The following MET variants were observed in gnomAD, a reference collection of about 807,000 sequenced individuals.
The protein encoded by MET is hepatocyte growth factor receptor.
A neutral mutation model predicts 133.1 loss-of-function variants in MET; 48 were observed. The observed-to-expected ratio is 0.36, with a 90% CI of 0.29 to 0.46. The LOEUF (loss-of-function observed/expected upper bound fraction) is 0.46, where lower values mean the gene tolerates loss of function less well. Ranked by LOEUF, MET falls within the 20% of genes least tolerant of loss-of-function variation. MET has a pLI of 1.00. For synonymous variants in MET, 628 were observed against 616.5 expected (o/e 1.02, Z -0.28); for missense variants, 1,442 against 1,695.9 (o/e 0.85, Z 2.63).
chr7:116,702,919 A>T (rs1791634176), intron 2 of MET, among the ~76,000 whole-genome samples: 1 of 152,114 alleles, frequency 6.6e-6, no homozygotes, highest in Admixed American at 6.6e-5. Flanking sequence ...TTAGGGGTCC[A>T]GCAGGTGTAC....
At chr7:116,759,790 T>C (rs1445075043) in intron 10 of MET, among the ~76,000 whole-genome samples, 1 of 152,176 alleles carries the variant, frequency 6.6e-6, no homozygotes, top group Non-Finnish European at 1.5e-5. Context: ...TTTGAGGGTT[T>C]TTTTGAGACA....
At chr7:116,771,375 C>A in intron 12 of MET, 123 bp from the exon 13 acceptor site, 1 of 1,077,834 alleles carries the variant, frequency 9.3e-7, no homozygotes, top group South Asian at 1.3e-5. Flanking sequence ...ATCCTGAAGG[C>A]AGTTATGCCA....
chr7:116,777,493 T>G (rs987977911), intron 16 of MET, 24 bp downstream of exon 16: 2 of 1,605,782 alleles, frequency 1.2e-6, no homozygotes. Context: ...TATTTAACCA[T>G]GGAGTATACT....
chr7:116,734,963 G>C lies in MET; in HGVS notation c.1392+3104G>C, dbSNP rs148303685. 2.2e-3 allele frequency among the ~76,000 whole-genome samples: 335 copies of C among 152,230 alleles called. 3 individuals are homozygous for C. The highest frequency in any genetic ancestry group is 7.7e-3 in the African/African-American group (318 of 41,530). ...TTTTTTTTAACAGCACTTGTATAAGGCTTTTAATCTCTAAATGCAAAGCAT... is the reference window on the plus strand; with the variant it reads ...TTTTTTTTAACAGCACTTGTATAAGCCTTTTAATCTCTAAATGCAAAGCAT... On this transcript the variant is annotated intron_variant, in intron 3 of 20. Transcript: ENST00000397752.
chr7:116,713,259 A>G lies in MET; in HGVS notation c.1200+12975A>G, dbSNP rs536174107. Among the ~76,000 whole-genome samples, 257 of 151,878 alleles carry G rather than the reference A, an allele frequency of 1.7e-3. 1 individual carries two copies. The highest frequency in any genetic ancestry group is 2.9e-3 in the Non-Finnish European group (195 of 67,756). Reference sequence around the variant, plus strand: ...AAATACAAAAAATTAGCCGGGGGTAATGGCGGGCGCCTGTAGTCCCAGCTA... The same window carrying G: ...AAATACAAAAAATTAGCCGGGGGTAGTGGCGGGCGCCTGTAGTCCCAGCTA... On this transcript the variant is annotated intron_variant, in intron 2 of 20. Transcript: ENST00000397752.
chr7:116,765,290 A>G (rs911031777), intron 11 of MET, among the ~76,000 whole-genome samples: 7 of 151,116 alleles, frequency 4.6e-5, no homozygotes, highest in African/African-American at 1.7e-4. Context: ...ACAGAGCAAA[A>G]AAAAAAAAAA....
intron 19 of MET, among the ~76,000 whole-genome samples, chr7:116,789,872 A>T (rs925603654): frequency 1.3e-5 from 2 of 152,172 alleles, no homozygotes; most frequent in African/African-American, 4.8e-5. Context: ...ACGTAGGTAA[A>T]CGTGTGCCAT....
chr7:116,693,844 T>G (rs1796863056), intron 1 of MET, among the ~76,000 whole-genome samples: 1 of 152,246 alleles, frequency 6.6e-6, no homozygotes, highest in Admixed American at 6.5e-5. Context: ...ATAGAGAACA[T>G]GCATTGACCT....
intron 1 of MET, among the ~76,000 whole-genome samples, chr7:116,696,915 T>C (rs1217756818): frequency 6.6e-6 from 1 of 152,244 alleles, no homozygotes; most frequent in East Asian, 1.9e-4. Flanking sequence ...CAAGGCAGGC[T>C]TCTCAGAATC....
chr7:116,792,407 T>A (rs1324939009), intron 19 of MET, among the ~76,000 whole-genome samples: 1 of 150,250 alleles, frequency 6.7e-6, no homozygotes, highest in Admixed American at 6.6e-5. Context: ...CTAATGCACA[T>A]GAATTGTACA....
At chr7:116,682,747 C>G (rs1291146785) in intron 1 of MET, among the ~76,000 whole-genome samples, 2 of 152,146 alleles carry the variant, frequency 1.3e-5, no homozygotes, top group Non-Finnish European at 2.9e-5. Flanking sequence ...ATTCTCTTAA[C>G]CAGCAAGTCT....
chr7:116,780,079 A>G (rs748411634), intron 17 of MET, among the ~76,000 whole-genome samples: 11 of 152,224 alleles, frequency 7.2e-5, no homozygotes, highest in Non-Finnish European at 1.2e-4. Flanking sequence ...TGTTTAGCAC[A>G]TAGACTCGCA....
intron 19 of MET, among the ~76,000 whole-genome samples, chr7:116,787,067 G>T (rs1211916104): frequency 1.3e-5 from 2 of 152,196 alleles, no homozygotes; most frequent in Non-Finnish European, 2.9e-5. Context: ...TAGGTCATAG[G>T]TCATGGTGGA....
chr7:116,749,097 C>T (rs1422749892), intron 5 of MET, among the ~76,000 whole-genome samples: 1 of 152,236 alleles, frequency 6.6e-6, no homozygotes, highest in Non-Finnish European at 1.5e-5. Flanking sequence ...TCCTCCCTAA[C>T]TCATTTTATG....
intron 19 of MET, among the ~76,000 whole-genome samples, chr7:116,793,961 C>A (rs1377953941): frequency 6.6e-6 from 1 of 151,640 alleles, no homozygotes; most frequent in Non-Finnish European, 1.5e-5. Flanking sequence ...ACCCCCTCCA[C>A]CCAAAACTCT....
rs1362573189 is a variant in MET at position 116,797,812 on chromosome 7, G to A, written c.*1688G>A. On this transcript the variant is annotated 3_prime_UTR_variant, in exon 21 of 21. Transcript: ENST00000397752. ...ACACCCCACCCTCATTACATCATCA[G>A]GACTTGAAGCCAAGGGTTAACCCAG... 4.5e-6 allele frequency: 1 copy of A among 224,506 alleles called. No homozygotes were observed. Among genetic ancestry groups the A allele is most frequent in the East Asian group, 6.4e-5 (1 of 15,524 alleles). The allele number at this position is 224,506 out of a possible 1,614,324, so 13.9% of individuals were successfully genotyped here. A position where few individuals can be genotyped will look rare whatever the true frequency, so the allele number is the denominator to read the frequency against.
chr7:116,707,604 T>G (rs1791848889), intron 2 of MET, among the ~76,000 whole-genome samples: 1 of 152,158 alleles, frequency 6.6e-6, no homozygotes, highest in South Asian at 2.1e-4. Flanking sequence ...TGTTTTAAAT[T>G]TTAAAATGTC....
chr7:116,687,358 G>C (rs1796598892), intron 1 of MET, among the ~76,000 whole-genome samples: 2 of 152,202 alleles, frequency 1.3e-5, no homozygotes, highest in Non-Finnish European at 2.9e-5. Context: ...CTAGTTTTAT[G>C]AGAATCTATT....
At chr7:116,750,157 CATCACGCT>C (rs1793860158) in intron 5 of MET, among the ~76,000 whole-genome samples, 1 of 151,882 alleles carries the variant, frequency 6.6e-6, no homozygotes, top group South Asian at 2.1e-4. Flanking sequence ...CAGCTGGTGG[CATCACGCT>C]ACCTGACTTC....
Sources: gnomAD v4.1 joint callset for allele counts (sites outside exome capture counted in the v4.1 genomes callset) on GRCh38, gnomAD v4.1.1 for gene constraint, MANE v1.5 for transcripts, NCBI Gene and HGNC (gene_info 2026-07-23, HGNC 2026-07-21) for gene names.